Variants in DGKB observed in about 807,000 individuals in gnomAD.
The protein encoded by DGKB is 90 kDa diacylglycerol kinase.
A neutral mutation model predicts 114.3 loss-of-function variants in DGKB; 67 were observed. The ratio of observed to expected loss-of-function variants is 0.59; its 90% CI spans 0.48 to 0.72. DGKB has a LOEUF of 0.72. Ranked by LOEUF, DGKB falls within the 30% of genes least tolerant of loss-of-function variation. DGKB has a pLI of 0.00. For missense variants in DGKB, 907 were observed against 975.2 expected (o/e 0.93, Z 0.93); for synonymous variants, 398 against 323.1 (o/e 1.23, Z -2.49).
At chr7:14,687,515 C>T (rs1489008369) in intron 9 of DGKB, among the ~76,000 whole-genome samples, 2 of 151,992 alleles carry the variant, frequency 1.3e-5, no homozygotes, top group Non-Finnish European at 2.9e-5. Context: ...GAATAGAATA[C>T]TTTATATATT....
intron 2 of DGKB, among the ~76,000 whole-genome samples, chr7:14,758,297 T>C (rs2128448210): frequency 6.6e-6 from 1 of 152,144 alleles, no homozygotes; most frequent in South Asian, 2.1e-4. Context: ...TTTCATCTTA[T>C]TAGTTGGTGA....
chr7:14,400,749 T>A (rs974926365), intron 21 of DGKB, among the ~76,000 whole-genome samples: 6 of 63,506 alleles, frequency 9.4e-5, no homozygotes, highest in Admixed American at 8.2e-4. Context: ...GTTTCTTGTG[T>A]GAGATGAAAT....
chr7:14,806,000 A>T (rs908557327), intron 2 of DGKB, among the ~76,000 whole-genome samples: 10 of 151,614 alleles, frequency 6.6e-5, no homozygotes, highest in Non-Finnish European at 4.4e-5. Context: ...AATTTCACGA[A>T]TATTTATATA....
intron 2 of DGKB, among the ~76,000 whole-genome samples, chr7:14,818,821 C>G (rs912423877): frequency 2.0e-5 from 3 of 152,034 alleles, no homozygotes; most frequent in Non-Finnish European, 4.4e-5. Context: ...CAAAATTCTA[C>G]ATATTAGGGG....
At chr7:14,701,415 C>CT (rs898934379) in intron 7 of DGKB, among the ~76,000 whole-genome samples, 6 of 151,952 alleles carry the variant, frequency 3.9e-5, no homozygotes, top group African/African-American at 9.7e-5. Context: ...TGGTGCCTTT[C>CT]TTTTTTTTAC....
chr7:14,949,320 T>G (rs1223653109), intron 1 of DGKB, among the ~76,000 whole-genome samples: 1 of 151,988 alleles, frequency 6.6e-6, no homozygotes, highest in African/African-American at 2.4e-5. Flanking sequence ...TTGTAGCATA[T>G]GATTGTATTA....
In DGKB at chr7:14,561,452, C is replaced by T. The variant is rs1489700595; in HGVS notation, c.1770+12760G>A. Reference sequence around the variant, plus strand: ...TTTTAAAGATACCCCAAAATGGAGACGTGACTTTGGAATAGAGTGACAGGC... The same window carrying T: ...TTTTAAAGATACCCCAAAATGGAGATGTGACTTTGGAATAGAGTGACAGGC... On this transcript the variant is annotated intron_variant, in intron 20 of 25. Transcript: ENST00000402815. Among the ~76,000 whole-genome samples the T allele has an allele frequency of 3.9e-5, 6 of 152,092 alleles. No homozygotes were observed. The East Asian group carries it at 5.8e-4, about 15-fold the overall frequency.
intron 25 of DGKB, among the ~76,000 whole-genome samples, chr7:14,157,910 G>GTTATGTTTT: frequency 6.6e-6 from 1 of 152,106 alleles, no homozygotes; most frequent in African/African-American, 2.4e-5. Context: ...TTTACAACTT[G>GTTATGTTTT]TGACTTGACT....
intron 23 of DGKB, among the ~76,000 whole-genome samples, chr7:14,243,556 A>G (rs769700224): frequency 6.6e-6 from 1 of 152,226 alleles, no homozygotes; most frequent in Non-Finnish European, 1.5e-5. Context: ...TAGGAGCTAT[A>G]CTTTTATACC....
intron 23 of DGKB, among the ~76,000 whole-genome samples, chr7:14,237,798 CA>C (rs1325304171): frequency 2.0e-5 from 3 of 151,884 alleles, no homozygotes; most frequent in Non-Finnish European, 4.4e-5. Flanking sequence ...ACATAAAAAA[CA>C]AGACGTTTGT....
At chr7:14,743,487 T>C (rs534716420) in intron 4 of DGKB, among the ~76,000 whole-genome samples, 3 of 152,280 alleles carry the variant, frequency 2.0e-5, no homozygotes, top group African/African-American at 7.2e-5. Flanking sequence ...CCAAATCAAA[T>C]TTCAGCTTCA....
At position 14,828,283 on chromosome 7, in the gene DGKB, A is replaced by G. The variant is rs1168142890; in HGVS notation, c.70+12911T>C. 2.6e-5 allele frequency among the ~76,000 whole-genome samples: 4 copies of G among 152,094 alleles called. No homozygotes were observed. The East Asian group carries it at 7.7e-4, about 29-fold the overall frequency. Reference sequence around the variant, plus strand: ...GCCCGACAACATAAATCTCTCCAAGATGTCTGAGCATCCCTGTGATTTCCA... The same window carrying G: ...GCCCGACAACATAAATCTCTCCAAGGTGTCTGAGCATCCCTGTGATTTCCA... On this transcript the variant is annotated intron_variant, in intron 2 of 25. Coordinates refer to ENST00000402815, the MANE Select transcript of DGKB (RefSeq NM_001350709.2).
intron 1 of DGKB, among the ~76,000 whole-genome samples, chr7:14,871,988 A>T (rs910903230): frequency 1.3e-5 from 2 of 152,200 alleles, no homozygotes; most frequent in Non-Finnish European, 2.9e-5. Context: ...CCCTAAATAC[A>T]GCGATCTTCA....
chr7:14,966,796 G>T (rs1414464340), intron 1 of DGKB, among the ~76,000 whole-genome samples: 1 of 151,936 alleles, frequency 6.6e-6, no homozygotes, highest in Non-Finnish European at 1.5e-5. Context: ...ACACTATAAA[G>T]ATAAATAATT....
intron 1 of DGKB, among the ~76,000 whole-genome samples, chr7:14,881,384 T>G (rs565169269): frequency 1.3e-5 from 2 of 152,306 alleles, no homozygotes; most frequent in African/African-American, 4.8e-5. Flanking sequence ...ATTAACCCTT[T>G]GCCTATTATG....
chr7:14,861,886 G>C (rs115416257), intron 1 of DGKB, among the ~76,000 whole-genome samples: 1 of 151,894 alleles, frequency 6.6e-6, no homozygotes, highest in Non-Finnish European at 1.5e-5. Context: ...TGAGCTGCTT[G>C]CAAGATTTGT....
intron 23 of DGKB, among the ~76,000 whole-genome samples, chr7:14,217,077 C>T (rs1167780017): frequency 6.6e-6 from 1 of 152,120 alleles, no homozygotes; most frequent in African/African-American, 2.4e-5. Flanking sequence ...GAGAAAGCCA[C>T]TTCATTCCCT....
chr7:14,583,230 GTTT>G, intron 17 of DGKB, 93 bp from the exon 18 acceptor site: 2 of 684,892 alleles, frequency 2.9e-6, no homozygotes, highest in Non-Finnish European at 2.4e-6. Flanking sequence ...GATGAAATAC[GTTT>G]TTATTTTATA....
intron 5 of DGKB, among the ~76,000 whole-genome samples, chr7:14,730,942 G>C (rs1830817356): frequency 6.6e-6 from 1 of 152,322 alleles, no homozygotes. Context: ...TCAGGCTTCT[G>C]TTTGAAAGAA....
Sources: allele counts gnomAD v4.1 joint callset (sites outside exome capture counted in the v4.1 genomes callset), GRCh38; gene constraint gnomAD v4.1.1; transcripts MANE v1.5; gene names NCBI Gene and HGNC (gene_info 2026-07-23, HGNC 2026-07-21).